The following CTNNA2 variants were observed in gnomAD, a reference collection of about 807,000 sequenced individuals.
CTNNA2 encodes catenin alpha-2.
A neutral mutation model predicts 101.0 loss-of-function variants in CTNNA2; 42 were observed. The ratio of observed to expected loss-of-function variants is 0.42; its 90% CI spans 0.32 to 0.54. The LOEUF is 0.54. Ranked by LOEUF, CTNNA2 falls within the 20% of genes least tolerant of loss-of-function variation. CTNNA2 has a pLI of 0.14. For synonymous variants in CTNNA2, 450 were observed against 456.4 expected, an observed-to-expected ratio of 0.99 and a Z score of 0.18; for missense variants, 871 against 1,223.1, an observed-to-expected ratio of 0.71 and a Z score of 4.29.
At chr2:80,096,270 T>C (rs1700146313) in intron 7 of CTNNA2, among the ~76,000 whole-genome samples, 1 of 152,236 alleles carries the variant, frequency 6.6e-6, no homozygotes, top group Admixed American at 6.5e-5. Flanking sequence ...TACTCAGTAG[T>C]CGTTCAGGAG....
At chr2:80,079,591 A>G (rs1698985300) in intron 7 of CTNNA2, among the ~76,000 whole-genome samples, 1 of 152,108 alleles carries the variant, frequency 6.6e-6, no homozygotes, top group African/African-American at 2.4e-5. Flanking sequence ...AGGCGGGCAG[A>G]TCACAAGGTC....
chr2:79,349,056 C>T (rs970658258), intron 3 of CTNNA2, among the ~76,000 whole-genome samples: 10 of 152,218 alleles, frequency 6.6e-5, no homozygotes, highest in Admixed American at 2.6e-4. Context: ...GTGGAAATTC[C>T]TCTTAGCAAC....
chr2:79,537,296 C>A (rs1673133333), intron 1 of CTNNA2, among the ~76,000 whole-genome samples: 2 of 152,124 alleles, frequency 1.3e-5, no homozygotes, highest in East Asian at 1.9e-4. Flanking sequence ...AAATGTTTCC[C>A]CCTAGATTTC....
chr2:80,559,891 T>TATATATATATATATATACACAC (rs1553387588), intron 12 of CTNNA2, among the ~76,000 whole-genome samples: 29 of 146,808 alleles, frequency 2.0e-4, no homozygotes, highest in African/African-American at 7.1e-4. Flanking sequence ...TATATATATA[T>TATATATATATATATATACACAC]ACACACACAT....
Position 80,268,883 on chromosome 2 carries a change from T to C in CTNNA2, c.1057-124328T>C, listed in dbSNP as rs564250982. Among the ~76,000 whole-genome samples, 17 of 152,298 alleles carry C rather than the reference T, an allele frequency of 1.1e-4. No individual in the cohort carries two copies. In the East Asian group the frequency reaches 3.3e-3, roughly 29 times the overall value. On this transcript the variant is annotated intron_variant, in intron 7 of 18. Transcript: ENST00000402739. ...ACACACCCAGAATCAGTCAGGATGC[T>C]GGAAGTGCTGGGGGCTCCATACTCT...
At position 79,958,663 on chromosome 2, in the gene CTNNA2, G is replaced by T. The variant is rs368243894; in HGVS notation, c.1056+48866G>T. 4.6e-5 allele frequency among the ~76,000 whole-genome samples: 7 copies of T among 152,286 alleles called. No individual in the cohort carries two copies. The East Asian group carries it at 7.7e-4, about 17-fold the overall frequency. ...AGTGAGACCCATGTCTTATAGACCT[G>T]TGAAAATAAGTCTATAAGATAATAC... On this transcript the variant is annotated intron_variant, in intron 7 of 18. Coordinates refer to ENST00000402739, the MANE Select transcript of CTNNA2 (RefSeq NM_001282597.3).
chr2:80,383,675 G>A (rs1028935882), intron 7 of CTNNA2, among the ~76,000 whole-genome samples: 1 of 152,070 alleles, frequency 6.6e-6, no homozygotes, highest in African/African-American at 2.4e-5. Context: ...CTATAAAGAA[G>A]GAGGACGTTT....
chr2:80,103,417 A>T (rs1700671588), intron 7 of CTNNA2, among the ~76,000 whole-genome samples: 2 of 151,912 alleles, frequency 1.3e-5, no homozygotes, highest in African/African-American at 2.4e-5. Context: ...TAATTACCTC[A>T]TTTTGCCCGT....
chr2:80,420,235 T>C (rs1241872532), intron 9 of CTNNA2, among the ~76,000 whole-genome samples: 1 of 151,984 alleles, frequency 6.6e-6, no homozygotes, highest in African/African-American at 2.4e-5. Flanking sequence ...ACAAAGTAAA[T>C]GACAACTAGG....
chr2:80,098,607 G>T (rs1277370589), intron 7 of CTNNA2, among the ~76,000 whole-genome samples: 2 of 152,184 alleles, frequency 1.3e-5, no homozygotes, highest in Admixed American at 1.3e-4. Context: ...CTCAGAGGTG[G>T]AGCCTACAGA....
intron 7 of CTNNA2, among the ~76,000 whole-genome samples, chr2:80,106,990 GAAGA>G (rs1356720572): frequency 6.6e-6 from 1 of 152,124 alleles, no homozygotes; most frequent in Non-Finnish European, 1.5e-5. Flanking sequence ...CACCAGCCTA[GAAGA>G]CTCATCTTCA....
chr2:79,684,396 A>T (rs1200942456), intron 2 of CTNNA2, among the ~76,000 whole-genome samples: 1 of 152,164 alleles, frequency 6.6e-6, no homozygotes, highest in African/African-American at 2.4e-5. Flanking sequence ...ATAGATCATG[A>T]CCTATAGTGT....
At chr2:79,218,348 TGTA>T (rs1250868949) in intron 2 of CTNNA2, among the ~76,000 whole-genome samples, 769 of 72,352 alleles carry the variant, frequency 0.011, 6 homozygotes, top group African/African-American at 0.031. Flanking sequence ...TGTGTGTGTG[TGTA>T]TTTTTTTTTT....
chr2:80,075,388 A>G (rs1302668242), intron 7 of CTNNA2, among the ~76,000 whole-genome samples: 1 of 151,666 alleles, frequency 6.6e-6, no homozygotes, highest in African/African-American at 2.4e-5. Flanking sequence ...TTGGCAGTTC[A>G]ATTCTCTCTT....
At chr2:80,390,999 G>C (rs988906842) in intron 7 of CTNNA2, among the ~76,000 whole-genome samples, 6 of 151,890 alleles carry the variant, frequency 4.0e-5, no homozygotes, top group African/African-American at 1.5e-4. Flanking sequence ...GGACATGGTG[G>C]CACATGTCTG....
intron 1 of CTNNA2, among the ~76,000 whole-genome samples, chr2:79,560,291 AG>A (rs148203864): frequency 0.038 from 5,752 of 152,028 alleles, 351 homozygotes; most frequent in African/African-American, 0.13. Flanking sequence ...ATGAATTACA[AG>A]GCATTAGAAG....
chr2:79,726,347 T>C (rs1441210965), intron 2 of CTNNA2, among the ~76,000 whole-genome samples: 1 of 152,190 alleles, frequency 6.6e-6, no homozygotes, highest in Non-Finnish European at 1.5e-5. Flanking sequence ...CCCGGGGTCA[T>C]GGACCAGTAC....
chr2:79,711,907 T>C (rs1442715135), intron 2 of CTNNA2, among the ~76,000 whole-genome samples: 1 of 152,200 alleles, frequency 6.6e-6, no homozygotes, highest in East Asian at 1.9e-4. Context: ...TCATTATTCT[T>C]TGAATTTTTT....
At chr2:79,211,461 AG>A (rs1465629517) in intron 2 of CTNNA2, among the ~76,000 whole-genome samples, 1 of 152,136 alleles carries the variant, frequency 6.6e-6, no homozygotes, top group East Asian at 1.9e-4. Context: ...GAAGGGAGAT[AG>A]GGGTGGGGCC....
Sources: allele counts gnomAD v4.1 joint callset (sites outside exome capture counted in the v4.1 genomes callset), GRCh38; gene constraint gnomAD v4.1.1; transcripts MANE v1.5; gene names NCBI Gene and HGNC (gene_info 2026-07-23, HGNC 2026-07-21).